Variants in DOCK1 observed in about 807,000 individuals in gnomAD.
DOCK1 encodes the protein dedicator of cytokinesis protein 1.
A neutral mutation model predicts 262.7 loss-of-function variants in DOCK1; 138 were observed. The ratio of observed to expected loss-of-function variants is 0.53; its 90% CI spans 0.46 to 0.61. The LOEUF (loss-of-function observed/expected upper bound fraction) is 0.61, where lower values mean the gene tolerates loss of function less well. Among genes scored for constraint, DOCK1 ranks in the 20% least tolerant of loss-of-function variants. The pLI is 0.00. For missense variants in DOCK1, 1,908 were observed against 2,370.7 expected, an observed-to-expected ratio of 0.80 and a Z score of 4.05; for synonymous variants, 866 against 867.4, an observed-to-expected ratio of 1.00 and a Z score of 0.03.
intron 1 of DOCK1, among the ~76,000 whole-genome samples, chr10:126,910,157 G>A (rs1466122909): frequency 6.6e-6 from 1 of 152,164 alleles, no homozygotes. Flanking sequence ...AGAAATGCAG[G>A]CATTTTCATT....
Position 127,109,576 on chromosome 10 carries a change from T to C in DOCK1, c.2517-672T>C, listed in dbSNP as rs543140278. Reference sequence around the variant, plus strand: ...AGCCCAGGTAACCCCGAATCTCTTTTCTCTCTCTACACATTTGTGTTTTCT... The same window carrying C: ...AGCCCAGGTAACCCCGAATCTCTTTCCTCTCTCTACACATTTGTGTTTTCT... On this transcript the variant is annotated intron_variant, in intron 24 of 51. Coordinates refer to ENST00000623213, the MANE Select transcript of DOCK1 (RefSeq NM_001290223.2). 1.9e-3 allele frequency among the ~76,000 whole-genome samples: 295 copies of C among 152,270 alleles called. 1 individual carries two copies. The highest frequency in any genetic ancestry group is 6.8e-3 in the African/African-American group (283 of 41,536).
intron 23 of DOCK1, among the ~76,000 whole-genome samples, chr10:127,089,535 G>A (rs1315447183): frequency 2.0e-5 from 3 of 152,196 alleles, no homozygotes; most frequent in African/African-American, 7.2e-5. Flanking sequence ...GGAAAACGGA[G>A]GATTCTGACC....
intron 27 of DOCK1, chr10:127,153,930 G>A (rs1313958290): frequency 6.2e-7 from 1 of 1,611,832 alleles, no homozygotes; most frequent in Non-Finnish European, 8.5e-7. Flanking sequence ...AAGCCTACAA[G>A]ATAAGAACAG....
At chr10:127,259,695 A>G (rs2059950449) in intron 29 of DOCK1, among the ~76,000 whole-genome samples, 1 of 152,158 alleles carries the variant, frequency 6.6e-6, no homozygotes, top group South Asian at 2.1e-4. Context: ...GACAAAGGTC[A>G]GGCGGGATGG....
At position 127,394,670 on chromosome 10, in the gene DOCK1, C is replaced by A. The variant is rs7919569; in HGVS notation, c.3928-8385C>A. ...ATGTTCATTATGATTTGCTCCTATG[C>A]AGTAATTGATCATCAAAGCATGAGA... On this transcript the variant is annotated intron_variant, in intron 38 of 51. Transcript: ENST00000623213. Among the ~76,000 whole-genome samples, 929 of 152,302 alleles carry A rather than the reference C, an allele frequency of 6.1e-3. 10 individuals carry two copies. The highest frequency in any genetic ancestry group is 0.021 in the African/African-American group (889 of 41,546).
chr10:127,106,179 G>T, intron 23 of DOCK1, 52 bp from the exon 24 acceptor site: 1 of 1,539,344 alleles, frequency 6.5e-7, no homozygotes, highest in South Asian at 1.2e-5. Context: ...AAATTGGTAT[G>T]AACACTCCCT....
chr10:127,426,072 AC>A, intron 47 of DOCK1, 61 bp downstream of exon 47: 1 of 1,606,760 alleles, frequency 6.2e-7, no homozygotes, highest in Non-Finnish European at 8.5e-7. Context: ...CCACTGTTGA[AC>A]AGGGACAAGC....
At chr10:127,113,372 G>A (rs1458127619) in intron 25 of DOCK1, among the ~76,000 whole-genome samples, 1 of 152,182 alleles carries the variant, frequency 6.6e-6, no homozygotes, top group Admixed American at 6.5e-5. Context: ...TGGGTGAAGT[G>A]AGATTCCCAA....
chr10:126,931,156 A>G (rs2034158548), intron 1 of DOCK1, among the ~76,000 whole-genome samples: 1 of 152,122 alleles, frequency 6.6e-6, no homozygotes, highest in Non-Finnish European at 1.5e-5. Context: ...GGGCAGTATA[A>G]TCCCAGAGGA....
chr10:127,420,610 G>T (rs1403439504), intron 46 of DOCK1, among the ~76,000 whole-genome samples: 2 of 152,078 alleles, frequency 1.3e-5, no homozygotes, highest in Admixed American at 1.3e-4. Context: ...TGCTAAGCTG[G>T]GGTCCCAGGC....
intron 1 of DOCK1, among the ~76,000 whole-genome samples, chr10:126,922,512 A>G (rs1234306835): frequency 6.6e-6 from 1 of 152,144 alleles, no homozygotes; most frequent in African/African-American, 2.4e-5. Flanking sequence ...TCACTGAGTA[A>G]GAACTTGGTC....
chr10:127,147,199 C>T lies in DOCK1; in HGVS notation c.2847+19435C>T, dbSNP rs57873949. Reference sequence around the variant, plus strand: ...TTTTGGAGCTTCCTACTTGAGAAGCCGTCAAGGATTGTGGTGGACTGGGAT... The same window carrying T: ...TTTTGGAGCTTCCTACTTGAGAAGCTGTCAAGGATTGTGGTGGACTGGGAT... On this transcript the variant is annotated intron_variant, in intron 27 of 51. Coordinates refer to ENST00000623213, the MANE Select transcript of DOCK1 (RefSeq NM_001290223.2). 9.3e-4 allele frequency among the ~76,000 whole-genome samples: 142 copies of T among 152,220 alleles called. 2 individuals are homozygous for T. Among genetic ancestry groups the T allele is most frequent in the African/African-American group, 3.2e-3 (135 of 41,540 alleles).
intron 27 of DOCK1, among the ~76,000 whole-genome samples, chr10:127,231,318 A>G (rs1485592117): frequency 6.6e-6 from 1 of 151,942 alleles, no homozygotes; most frequent in South Asian, 2.1e-4. Flanking sequence ...CGAATTCAGT[A>G]CTATTCGATA....
chr10:127,294,088 C>T (rs911880091), intron 29 of DOCK1, among the ~76,000 whole-genome samples: 3 of 152,186 alleles, frequency 2.0e-5, no homozygotes, highest in Non-Finnish European at 4.4e-5. Flanking sequence ...GTGCAGGTGA[C>T]CACTTGTCTC....
chr10:126,920,979 C>T (rs577205927), intron 1 of DOCK1, among the ~76,000 whole-genome samples: 7 of 152,198 alleles, frequency 4.6e-5, no homozygotes, highest in Non-Finnish European at 8.8e-5. Context: ...GGCAGATCAC[C>T]TGAGGTCAGG....
intron 37 of DOCK1, among the ~76,000 whole-genome samples, chr10:127,384,375 G>A (rs973190200): frequency 2.0e-5 from 3 of 152,122 alleles, no homozygotes; most frequent in African/African-American, 7.2e-5. Context: ...TCCCTTTCTG[G>A]GTGACTTGTG....
chr10:127,336,308 A>G (rs1363302726), intron 29 of DOCK1, among the ~76,000 whole-genome samples: 1 of 152,056 alleles, frequency 6.6e-6, no homozygotes, highest in African/African-American at 2.4e-5. Flanking sequence ...ATTGAGCCCA[A>G]GCATCATCTG....
chr10:127,324,656 T>G (rs1380200841), intron 29 of DOCK1, among the ~76,000 whole-genome samples: 1 of 152,188 alleles, frequency 6.6e-6, no homozygotes, highest in African/African-American at 2.4e-5. Context: ...ATCACTAGAC[T>G]TGGGTGTAAG....
At chr10:127,349,772 G>T (rs79865326) in intron 31 of DOCK1, among the ~76,000 whole-genome samples, 1 of 152,068 alleles carries the variant, frequency 6.6e-6, no homozygotes, top group Non-Finnish European at 1.5e-5. Flanking sequence ...TGGCTGCCCC[G>T]GTCTTTGGCA....
Sources: gnomAD v4.1 joint callset for allele counts (sites outside exome capture counted in the v4.1 genomes callset) on GRCh38, gnomAD v4.1.1 for gene constraint, MANE v1.5 for transcripts, NCBI Gene and HGNC (gene_info 2026-07-23, HGNC 2026-07-21) for gene names.